Variants in ATXN1 observed in about 807,000 individuals in gnomAD.
ATXN1 encodes ataxin-1.
A neutral mutation model predicts 56.4 loss-of-function variants in ATXN1; 8 were observed. That is an observed-to-expected ratio of 0.14 (90% CI 0.08 to 0.26). ATXN1 has a LOEUF of 0.26. ATXN1 is among the 10% of genes least tolerant of loss of function. ATXN1 has a pLI of 1.00. For missense variants in ATXN1, 987 were observed against 1,106.5 expected (o/e 0.89, Z 1.53); for synonymous variants, 514 against 494.6 (o/e 1.04, Z -0.52).
chr6:16,522,142 A>G (rs1400924119), intron 5 of ATXN1, among the ~76,000 whole-genome samples: 1 of 152,200 alleles, frequency 6.6e-6, no homozygotes, highest in African/African-American at 2.4e-5. Flanking sequence ...AGCCCCATAA[A>G]GGTGATGTGA....
rs60416047 is a variant in ATXN1, at chr6:16,569,528, G to GAAAAA, written c.-361+16247_-361+16251dup. Among the ~76,000 whole-genome samples the GAAAAA allele has an allele frequency of 3.1e-5, 3 of 96,386 alleles. 1 individual carries two copies. The highest frequency in any genetic ancestry group is 5.9e-5 in the Non-Finnish European group (3 of 50,438). The allele number at this position is 96,386 out of a possible 152,430, so 63.2% of individuals were successfully genotyped here. On this transcript the variant is annotated intron_variant, in intron 4 of 7. Transcript: ENST00000436367. ...GGCGACAGAGTGAGACTCCGTCTCA[G>GAAAAA]AAAAAAAAAAAAAAAAAACAGTTCC... is the stretch of plus-strand genomic sequence containing the variant.
chr6:16,397,178 G>A (rs1688888761), intron 6 of ATXN1, among the ~76,000 whole-genome samples: 1 of 152,184 alleles, frequency 6.6e-6, no homozygotes, highest in Non-Finnish European at 1.5e-5. Flanking sequence ...CACAGTGAGA[G>A]TATTTATATT....
chr6:16,480,691 GTTACAA>G (rs1302161047), intron 6 of ATXN1, among the ~76,000 whole-genome samples: 1 of 152,154 alleles, frequency 6.6e-6, no homozygotes, highest in Non-Finnish European at 1.5e-5. Flanking sequence ...GCACTATTCA[GTTACAA>G]AGCAGCCTGA....
At position 16,351,941 on chromosome 6, in the gene ATXN1, G is replaced by A. The variant is rs571389880; in HGVS notation, c.-160-23471C>T. Among the ~76,000 whole-genome samples, 20 of 152,306 alleles carry A rather than the reference G, an allele frequency of 1.3e-4. 1 individual carries two copies. The highest frequency in any genetic ancestry group is 2.6e-4 in the Admixed American group (4 of 15,296). ...TCTTTCAGTATGAGATTATTTCTTA[G>A]AACAGGTTAGTTTGGCCTTTGCTAA... On this transcript the variant is annotated intron_variant, in intron 6 of 7. Transcript: ENST00000436367.
intron 4 of ATXN1, among the ~76,000 whole-genome samples, chr6:16,562,391 G>A (rs1581845912): frequency 7.7e-6 from 1 of 130,712 alleles, no homozygotes. Context: ...AAAAAAAGAA[G>A]AAGAAGAAAG....
intron 6 of ATXN1, among the ~76,000 whole-genome samples, chr6:16,402,274 TTTTTTTG>T (rs1758592691): frequency 1.2e-5 from 1 of 84,402 alleles, no homozygotes; most frequent in African/African-American, 4.1e-5. Context: ...TTTTTTTTTT[TTTTTTTG>T]CTTCTAGTTC....
intron 6 of ATXN1, among the ~76,000 whole-genome samples, chr6:16,356,685 G>C (rs1186120013): frequency 6.6e-6 from 1 of 152,226 alleles, no homozygotes; most frequent in East Asian, 1.9e-4. Context: ...TTCTTTGGGG[G>C]AAAAGCATAT....
intron 3 of ATXN1, among the ~76,000 whole-genome samples, chr6:16,603,285 G>C (rs1452429482): frequency 1.3e-5 from 2 of 152,142 alleles, no homozygotes; most frequent in African/African-American, 2.4e-5. Context: ...CCTTCCAAGA[G>C]GCTTTAAGCC....
intron 4 of ATXN1, among the ~76,000 whole-genome samples, chr6:16,583,862 A>G (rs1212700225): frequency 6.6e-6 from 1 of 152,220 alleles, no homozygotes; most frequent in Non-Finnish European, 1.5e-5. Flanking sequence ...GAGGATGAAA[A>G]GAGGGAGGAA....
intron 2 of ATXN1, among the ~76,000 whole-genome samples, chr6:16,729,432 G>C (rs1189306531): frequency 6.6e-6 from 1 of 152,168 alleles, no homozygotes; most frequent in Non-Finnish European, 1.5e-5. Context: ...TGCTGGCTTT[G>C]TATTTACTCA....
chr6:16,667,529 A>G (rs538232525), intron 2 of ATXN1: 1 of 152,334 alleles, frequency 6.6e-6, no homozygotes, highest in South Asian at 2.1e-4. Flanking sequence ...TCTTAGAAGG[A>G]CATGAGGATA....
chr6:16,692,865 G>A lies in ATXN1; in HGVS notation c.-614-34964C>T, dbSNP rs182341067. 4.1e-4 allele frequency among the ~76,000 whole-genome samples: 63 copies of A among 152,264 alleles called. 1 individual carries two copies. Among genetic ancestry groups the A allele is most frequent in the African/African-American group, 1.4e-3 (58 of 41,564 alleles). ...CTGGGTTCAAAACCTTAGTCAGAAC[G>A]AGCCCAGACCTCCCATACAGGCAGA... On this transcript the variant is annotated intron_variant, in intron 2 of 7. Coordinates refer to ENST00000436367, the MANE Select transcript of ATXN1 (RefSeq NM_001128164.2).
intron 1 of ATXN1, chr6:16,754,615 T>C (rs76394540): frequency 2.0e-5 from 3 of 152,224 alleles, no homozygotes; most frequent in South Asian, 4.1e-4. Context: ...TTCAAAGTAA[T>C]GAACAGTAGC....
chr6:16,681,885 A>G (rs1485398103), intron 2 of ATXN1, among the ~76,000 whole-genome samples: 1 of 152,198 alleles, frequency 6.6e-6, no homozygotes. Flanking sequence ...TAAAATATAC[A>G]CGTGGCAGAT....
intron 2 of ATXN1, among the ~76,000 whole-genome samples, chr6:16,702,122 G>T (rs1759298579): frequency 2.6e-5 from 4 of 151,794 alleles, no homozygotes; most frequent in South Asian, 2.1e-4. Context: ...GCATGGTACT[G>T]GTACCAAAAC....
chr6:16,322,400 T>C (rs1482487254), intron 7 of ATXN1, among the ~76,000 whole-genome samples: 2 of 150,662 alleles, frequency 1.3e-5, no homozygotes, highest in African/African-American at 2.5e-5. Context: ...TCCCTGGGGG[T>C]GTGATGTTGG....
intron 4 of ATXN1, among the ~76,000 whole-genome samples, chr6:16,547,544 G>C (rs1436395815): frequency 6.6e-6 from 1 of 152,110 alleles, no homozygotes. Flanking sequence ...AGACTGGGGG[G>C]CTTCAACAAT....
chr6:16,360,964 GTCTTTACTTAT>G (rs1204023698), intron 6 of ATXN1, among the ~76,000 whole-genome samples: 5 of 152,162 alleles, frequency 3.3e-5, no homozygotes, highest in African/African-American at 4.8e-5. Flanking sequence ...AAGTGAGAAA[GTCTTTACTTAT>G]TCTAAGTAAA....
At chr6:16,545,037 G>A (rs1467234946) in intron 4 of ATXN1, among the ~76,000 whole-genome samples, 1 of 152,094 alleles carries the variant, frequency 6.6e-6, no homozygotes. Context: ...AGGAGTCTTC[G>A]CAAGGAAACC....
Sources: allele counts gnomAD v4.1 joint callset (sites outside exome capture counted in the v4.1 genomes callset), GRCh38; gene constraint gnomAD v4.1.1; transcripts MANE v1.5; gene names NCBI Gene and HGNC (gene_info 2026-07-23, HGNC 2026-07-21).